The following DAB2IP variants were observed in gnomAD, a reference collection of about 807,000 sequenced individuals.
DAB2IP encodes DAB2 interacting protein, also known as disabled homolog 2-interacting protein.
In DAB2IP, 28 loss-of-function variants were observed where a neutral mutation model predicts 107.2. The observed-to-expected ratio is 0.26, with a 90% confidence interval of 0.19 to 0.36. The LOEUF (loss-of-function observed/expected upper bound fraction) is 0.36, where lower values mean the gene tolerates loss of function less well. Ranked by LOEUF, DAB2IP falls within the 10% of genes least tolerant of loss-of-function variation. DAB2IP has a pLI of 1.00. For missense variants in DAB2IP, 1,400 were observed against 1,644.7 expected (o/e 0.85, Z 2.57); for synonymous variants, 755 against 706.4 (o/e 1.07, Z -1.09).
In DAB2IP at chr9:121,657,163, CCAGGGCATGCGACAGGTCT is replaced by C. The variant is rs572284251; in HGVS notation, c.124+5271_124+5289del. ...CATGACCTGCCAACCATGCCCTTTC[CCAGGGCATGCGACAGGTCT>C]CAGGGCCTCAGCCATGTTTCTCCAC... On this transcript the variant is annotated intron_variant, in intron 1 of 15. Coordinates refer to ENST00000408936, the Ensembl canonical transcript of DAB2IP. Among the ~76,000 whole-genome samples the C allele has an allele frequency of 3.5e-3, 535 of 152,328 alleles. 1 individual carries two copies. Among genetic ancestry groups the C allele is most frequent in the African/African-American group, 0.012 (514 of 41,578 alleles).
intron 1 of DAB2IP, among the ~76,000 whole-genome samples, chr9:121,641,650 C>T (rs1832288982): frequency 6.6e-6 from 1 of 152,164 alleles, no homozygotes; most frequent in African/African-American, 2.4e-5. Flanking sequence ...TCAGGATTTG[C>T]ACCCTGGCCT....
At chr9:121,606,420 C>G (rs1013266411) in intron 1 of DAB2IP, among the ~76,000 whole-genome samples, 2 of 152,142 alleles carry the variant, frequency 1.3e-5, no homozygotes, top group Non-Finnish European at 2.9e-5. Flanking sequence ...ATCACACTTT[C>G]TGGTGTGCAA....
At position 121,699,019 on chromosome 9, in the gene DAB2IP, G is replaced by A. The variant is rs1829587752; in HGVS notation, c.229-306G>A. ...GTACTCCCCCTCGCCCCGGCGCCCG[G>A]GGGGCTCGGGCAGCCTCGGCCGCGG... On this transcript the variant is annotated intron_variant, in intron 2 of 15. Coordinates refer to ENST00000408936, the Ensembl canonical transcript of DAB2IP. This position sits in a 1 kb window ranked among gnomAD's most constrained non-coding sequence, Gnocchi z 6.2. Among the ~76,000 whole-genome samples, 1 of 151,016 alleles carries A rather than the reference G, an allele frequency of 6.6e-6. No homozygotes were observed. The highest frequency in any genetic ancestry group is 6.6e-5 in the Admixed American group (1 of 15,190).
At chr9:121,770,886 G>A (rs529256612) in intron 11 of DAB2IP, among the ~76,000 whole-genome samples, 162 bp downstream of exon 11, 1 of 152,264 alleles carries the variant, frequency 6.6e-6, no homozygotes, top group East Asian at 1.9e-4. Flanking sequence ...CCTCCATTTG[G>A]GAAAAATCAG....
At chr9:121,763,513 G>A in exon 7 of DAB2IP, 1 of 1,612,720 alleles carries the variant, frequency 6.2e-7, no homozygotes, top group Non-Finnish European at 8.5e-7. Context: ...AGGACTTCCT[G>A]ACAGACCTGA....
Position 121,701,081 on chromosome 9 carries a change from C to T in DAB2IP, c.362+1623C>T, listed in dbSNP as rs1010125970. Among the ~76,000 whole-genome samples, 3 of 152,244 alleles carry T rather than the reference C, an allele frequency of 2.0e-5. No homozygotes were observed. Among genetic ancestry groups the T allele is most frequent in the African/African-American group, 7.2e-5 (3 of 41,464 alleles). ...TCTCCGCGCTTTCCTTGGCGGGGGT[C>T]AGGACCCTCTGCACCCGCATGCGGG... On this transcript the variant is annotated intron_variant, in intron 3 of 15. Coordinates refer to ENST00000408936, the Ensembl canonical transcript of DAB2IP. The surrounding 1 kb of genome is among the most constrained non-coding windows in gnomAD (Gnocchi z 4.7).
At position 121,702,803 on chromosome 9, in the gene DAB2IP, C is replaced by T. The variant is rs944717841; in HGVS notation, c.362+3345C>T. ...TCAGTTGGCAATATTATGCTTTCCT[C>T]ATTCCTTCTCTCTCCTGATGCTGTT... On this transcript the variant is annotated intron_variant, in intron 3 of 15. Transcript: ENST00000408936. The surrounding 1 kb of genome is among the most constrained non-coding windows in gnomAD (Gnocchi z 4.5). Among the ~76,000 whole-genome samples the T allele has an allele frequency of 2.0e-5, 3 of 152,100 alleles. No individual in the cohort carries two copies.
intron 12 of DAB2IP, 79 bp downstream of exon 12, chr9:121,773,574 T>TC (rs1334320159): frequency 8.3e-6 from 11 of 1,328,786 alleles, no homozygotes; most frequent in Non-Finnish European, 1.1e-5. Flanking sequence ...ATGCTCCTCC[T>TC]CTCGGTCATT....
rs114373141 is a variant in DAB2IP, at chr9:121,696,260, C to T, written c.229-3065C>T. Among the ~76,000 whole-genome samples, 1,381 of 152,306 alleles carry T rather than the reference C, an allele frequency of 9.1e-3. 22 individuals are homozygous for T. Among genetic ancestry groups the T allele is most frequent in the African/African-American group, 0.031 (1,299 of 41,554 alleles). The stretch of plus-strand genomic sequence containing the variant: ...AAGGGGCCTTAGCTGTCTTCTCTTG[C>T]AGTGAGGGGTCTGTGGAGCTGGGTT... On this transcript the variant is annotated intron_variant, in intron 2 of 15. Transcript: ENST00000408936.
intron 3 of DAB2IP, 123 bp from the exon 4 acceptor site, chr9:121,756,890 A>G: frequency 7.7e-7 from 1 of 1,304,240 alleles, no homozygotes; most frequent in East Asian, 2.3e-5. Context: ...GACAGAAAGG[A>G]GAGAGAGTGG....
Position 121,598,941 on chromosome 9 carries a change from G to A in DAB2IP, c.40+31713G>A, listed in dbSNP as rs116156662. Among the ~76,000 whole-genome samples, 560 of 152,290 alleles carry A rather than the reference G, an allele frequency of 3.7e-3. 3 individuals carry two copies. Among genetic ancestry groups the A allele is most frequent in the African/African-American group, 0.013 (537 of 41,562 alleles). On this transcript the variant is annotated intron_variant, in intron 1 of 16. Coordinates refer to the DAB2IP transcript ENST00000259371. ...TTGCTGAAGCGGGTCGCAGACGTTC[G>A]CGGGACGTTCCCTCCAGCCAGCTGG... is the stretch of plus-strand genomic sequence containing the variant.
intron 1 of DAB2IP, among the ~76,000 whole-genome samples, chr9:121,621,668 T>A (rs1831469840): frequency 6.7e-6 from 1 of 148,870 alleles, no homozygotes; most frequent in Admixed American, 6.7e-5. Flanking sequence ...ACCAGTCTCA[T>A]TCCGTTACCC....
At chr9:121,775,632 G>C (rs1406755553) in intron 13 of DAB2IP, among the ~76,000 whole-genome samples, 3 of 152,192 alleles carry the variant, frequency 2.0e-5, no homozygotes, top group Admixed American at 6.5e-5. Context: ...GTCTGTGCTG[G>C]ACTGAGGCAG....
At chr9:121,587,937 G>A (rs2118921025) in intron 1 of DAB2IP, among the ~76,000 whole-genome samples, 1 of 152,276 alleles carries the variant, frequency 6.6e-6, no homozygotes, top group African/African-American at 2.4e-5. Flanking sequence ...CTGGCATCTT[G>A]TATTTCATCT....
At chr9:121,683,143 G>A (rs1828680798) in intron 2 of DAB2IP, among the ~76,000 whole-genome samples, 1 of 152,166 alleles carries the variant, frequency 6.6e-6, no homozygotes, top group African/African-American at 2.4e-5. Flanking sequence ...TAGACCAATG[G>A]TCAGACTGGG....
intron 3 of DAB2IP, among the ~76,000 whole-genome samples, chr9:121,719,284 CT>C (rs1277914517): frequency 2.0e-5 from 3 of 152,188 alleles, no homozygotes; most frequent in Non-Finnish European, 2.9e-5. Context: ...CCTGCTGCTT[CT>C]GTGCCTCTCT....
chr9:121,641,966 CTCTCTCTTTCTT>C (rs1428059001), intron 1 of DAB2IP, among the ~76,000 whole-genome samples: 1 of 110,048 alleles, frequency 9.1e-6, no homozygotes, highest in South Asian at 2.9e-4. Context: ...TTCTTTCTCT[CTCTCTCTTTCTT>C]TCTTTCTTTC....
intron 1 of DAB2IP, among the ~76,000 whole-genome samples, chr9:121,620,702 TC>T (rs1412771002): frequency 6.6e-6 from 1 of 152,142 alleles, no homozygotes; most frequent in African/African-American, 2.4e-5. Flanking sequence ...ACTGTGCTCT[TC>T]CGGTGGCTCA....
rs532167815 is a variant in DAB2IP, at chr9:121,769,359, G to A, written c.1899+726G>A. ...GGACACGATCTGTGCATGTGTAAGC[G>A]CACACACACATGCAGGCGCACACAC... On this transcript the variant is annotated intron_variant, in intron 10 of 15. Coordinates refer to ENST00000408936, the Ensembl canonical transcript of DAB2IP. Among the ~76,000 whole-genome samples, 8 of 152,016 alleles carry A rather than the reference G, an allele frequency of 5.3e-5. No homozygotes were observed. The South Asian group carries it at 8.3e-4, about 16-fold the overall frequency.
Sources: allele counts gnomAD v4.1 joint callset (sites outside exome capture counted in the v4.1 genomes callset), GRCh38; gene constraint gnomAD v4.1.1; non-coding constraint Gnocchi (gnomAD v3.1); transcripts MANE v1.5; gene names NCBI Gene and HGNC (gene_info 2026-07-23, HGNC 2026-07-21).